ST6GALNAC3: variants seen among roughly 807,000 people sequenced by gnomAD.
The protein encoded by ST6GALNAC3 is ST6 N-acetylgalactosaminide alpha-2,6-sialyltransferase 3, also known as alpha-N-acetylgalactosaminide alpha-2,6-sialyltransferase 3.
In ST6GALNAC3, 25 loss-of-function variants were observed where a neutral mutation model predicts 32.7. The ratio of observed to expected loss-of-function variants is 0.76; its 90% confidence interval spans 0.56 to 1.07. The LOEUF is 1.07. Among genes scored for constraint, ST6GALNAC3 ranks in the 50% least tolerant of loss-of-function variants. ST6GALNAC3 has a pLI of 0.00. For missense variants in ST6GALNAC3, 355 were observed against 382.4 expected (o/e 0.93, Z 0.60); for synonymous variants, 129 against 133.1 (o/e 0.97, Z 0.21).
intron 1 of ST6GALNAC3, among the ~76,000 whole-genome samples, chr1:76,155,602 G>T (rs1397360228): frequency 6.6e-6 from 1 of 151,240 alleles, no homozygotes; most frequent in South Asian, 2.1e-4. Flanking sequence ...CGAATAGCTG[G>T]GACGACAGGC....
chr1:76,262,592 A>G (rs1256993673), intron 1 of ST6GALNAC3, among the ~76,000 whole-genome samples: 8 of 152,186 alleles, frequency 5.3e-5, no homozygotes, highest in Non-Finnish European at 1.2e-4. Flanking sequence ...AATGAGGTAG[A>G]TGTAGTGAAA....
chr1:76,258,629 G>A (rs1249543140), intron 1 of ST6GALNAC3, among the ~76,000 whole-genome samples: 1 of 152,148 alleles, frequency 6.6e-6, no homozygotes, highest in East Asian at 1.9e-4. Flanking sequence ...AATGATCTCT[G>A]ACTTGATTAA....
intron 3 of ST6GALNAC3, among the ~76,000 whole-genome samples, chr1:76,553,086 T>C (rs1664731550): frequency 6.6e-6 from 1 of 152,200 alleles, no homozygotes; most frequent in East Asian, 1.9e-4. Context: ...ATAATACACA[T>C]TGGTAATCAA....
intron 1 of ST6GALNAC3, among the ~76,000 whole-genome samples, chr1:76,184,665 C>G (rs1311934486): frequency 1.3e-5 from 2 of 151,988 alleles, no homozygotes; most frequent in Admixed American, 1.3e-4. Flanking sequence ...TCACTGGGAG[C>G]AAACCAACCA....
intron 3 of ST6GALNAC3, among the ~76,000 whole-genome samples, chr1:76,434,433 T>C (rs1655987607): frequency 6.6e-6 from 1 of 152,208 alleles, no homozygotes; most frequent in Non-Finnish European, 1.5e-5. Flanking sequence ...CAAATCAGCA[T>C]TTTATTTATT....
intron 1 of ST6GALNAC3, among the ~76,000 whole-genome samples, chr1:76,157,966 G>A (rs936350097): frequency 6.6e-6 from 1 of 152,188 alleles, no homozygotes; most frequent in Non-Finnish European, 1.5e-5. Flanking sequence ...TTCTTGGCTT[G>A]TAATTGGTGA....
chr1:76,608,821 A>C (rs1304577231), intron 3 of ST6GALNAC3, among the ~76,000 whole-genome samples: 1 of 152,154 alleles, frequency 6.6e-6, no homozygotes, highest in Non-Finnish European at 1.5e-5. Context: ...AATTTTTATC[A>C]GAATTGCACT....
chr1:76,106,145 C>T (rs1647515647), intron 1 of ST6GALNAC3, among the ~76,000 whole-genome samples: 1 of 152,216 alleles, frequency 6.6e-6, no homozygotes, highest in African/African-American at 2.4e-5. Context: ...GGGCCTTGAA[C>T]ATAATGAGTG....
At chr1:76,570,970 G>T (rs939006608) in intron 3 of ST6GALNAC3, among the ~76,000 whole-genome samples, 1 of 151,886 alleles carries the variant, frequency 6.6e-6, no homozygotes, top group Non-Finnish European at 1.5e-5. Context: ...TACCCTTTTA[G>T]ACAACTAAAA....
intron 3 of ST6GALNAC3, among the ~76,000 whole-genome samples, chr1:76,486,716 C>T (rs905196673): frequency 6.6e-5 from 10 of 152,042 alleles, no homozygotes; most frequent in African/African-American, 1.4e-4. Flanking sequence ...GGGCATTTAG[C>T]CCATTTACAT....
chr1:76,181,648 A>G (rs2100462965), intron 1 of ST6GALNAC3, among the ~76,000 whole-genome samples: 1 of 152,292 alleles, frequency 6.6e-6, no homozygotes, highest in Non-Finnish European at 1.5e-5. Context: ...TACATTAGCC[A>G]AAAAAATATG....
At chr1:76,242,845 A>G (rs1657046215) in intron 1 of ST6GALNAC3, among the ~76,000 whole-genome samples, 2 of 152,122 alleles carry the variant, frequency 1.3e-5, no homozygotes, top group Admixed American at 1.3e-4. Flanking sequence ...TTCTTTATCC[A>G]TTCCATCATC....
chr1:76,136,989 T>C (rs1264979304), intron 1 of ST6GALNAC3, among the ~76,000 whole-genome samples: 1 of 152,244 alleles, frequency 6.6e-6, no homozygotes, highest in African/African-American at 2.4e-5. Context: ...TTGATACTTT[T>C]GTCTCAGTCT....
At chr1:76,436,069 T>G (rs1361495781) in intron 3 of ST6GALNAC3, among the ~76,000 whole-genome samples, 1 of 152,084 alleles carries the variant, frequency 6.6e-6, no homozygotes, top group Non-Finnish European at 1.5e-5. Context: ...AACTCTTTAA[T>G]ATGGAGTAAA....
intron 1 of ST6GALNAC3, among the ~76,000 whole-genome samples, chr1:76,107,678 C>T (rs909434455): frequency 6.6e-6 from 1 of 152,178 alleles, no homozygotes; most frequent in Admixed American, 6.5e-5. Flanking sequence ...CCCCACCCGC[C>T]AGCCCACCTC....
chr1:76,419,505 C>T (rs1042509045), intron 3 of ST6GALNAC3, among the ~76,000 whole-genome samples: 1 of 152,066 alleles, frequency 6.6e-6, no homozygotes, highest in Admixed American at 6.6e-5. Context: ...AGTTGACTTA[C>T]TTCTCTCTTA....
At chr1:76,308,266 T>C (rs1661186481) in intron 1 of ST6GALNAC3, among the ~76,000 whole-genome samples, 1 of 152,172 alleles carries the variant, frequency 6.6e-6, no homozygotes, top group Admixed American at 6.5e-5. Flanking sequence ...TAACCATCAG[T>C]AGTTATGTCG....
chr1:76,618,080 G>A (rs1285461700), intron 3 of ST6GALNAC3, among the ~76,000 whole-genome samples: 8 of 152,136 alleles, frequency 5.3e-5, no homozygotes, highest in African/African-American at 1.9e-4. Flanking sequence ...TCTCTAAAAT[G>A]AACTATGTTA....
chr1:76,129,100 C>A (rs138201338), intron 1 of ST6GALNAC3, among the ~76,000 whole-genome samples: 1 of 152,124 alleles, frequency 6.6e-6, no homozygotes, highest in East Asian at 1.9e-4. Flanking sequence ...ACAAATTTTG[C>A]GTGTCCTATA....
Sources: gnomAD v4.1 joint callset for allele counts (sites outside exome capture counted in the v4.1 genomes callset) on GRCh38, gnomAD v4.1.1 for gene constraint, MANE v1.5 for transcripts, NCBI Gene and HGNC (gene_info 2026-07-23, HGNC 2026-07-21) for gene names.